Variants in RPH3A observed in about 807,000 individuals in gnomAD.
RPH3A encodes the protein rabphilin 3A.
A neutral mutation model predicts 102.2 loss-of-function variants in RPH3A; 48 were observed. That is an observed-to-expected ratio of 0.47 (90% CI 0.37 to 0.60). RPH3A has a LOEUF of 0.60. RPH3A is among the 20% of genes least tolerant of loss of function. RPH3A has a pLI of 0.00. For synonymous variants in RPH3A, 310 were observed against 324.3 expected (o/e 0.96, Z 0.47); for missense variants, 781 against 910.1 (o/e 0.86, Z 1.83).
chr12:112,833,629 G>T (rs2042003991), intron 3 of RPH3A, among the ~76,000 whole-genome samples: 1 of 86,630 alleles, frequency 1.2e-5, no homozygotes, highest in Non-Finnish European at 2.7e-5. Flanking sequence ...GATTCAGTTT[G>T]CTGGATTCCC....
At chr12:112,668,482 TA>T (rs2040102878) in intron 1 of RPH3A, among the ~76,000 whole-genome samples, 1 of 152,178 alleles carries the variant, frequency 6.6e-6, no homozygotes, top group African/African-American at 2.4e-5. Flanking sequence ...CATGCAGCCT[TA>T]AAAAAATGAG....
At chr12:112,584,689 C>T (rs1213721103) in intron 1 of RPH3A, among the ~76,000 whole-genome samples, 1 of 152,186 alleles carries the variant, frequency 6.6e-6, no homozygotes, top group African/African-American at 2.4e-5. Context: ...AAGGATGGAG[C>T]TTTAAATTAC....
chr12:112,649,502 C>G (rs949321739), intron 1 of RPH3A: 15 of 152,198 alleles, frequency 9.9e-5, no homozygotes, highest in African/African-American at 3.6e-4. Flanking sequence ...GTTTCCCCAT[C>G]TGTATTAAAG....
intron 1 of RPH3A, among the ~76,000 whole-genome samples, chr12:112,620,861 G>A (rs1316814591): frequency 6.6e-6 from 1 of 151,958 alleles, no homozygotes; most frequent in Non-Finnish European, 1.5e-5. Flanking sequence ...AATCCTGTCT[G>A]CTCCACATTT....
rs1213917665 is a variant in RPH3A, at chr12:112,776,882, A to C, written c.-139-15261A>C. 5.2e-3 allele frequency among the ~76,000 whole-genome samples: 38 copies of C among 7,324 alleles called. 7 individuals are homozygous for C. The highest frequency in any genetic ancestry group is 7.3e-3 in the African/African-American group (8 of 1,094). 4.8% of individuals were successfully genotyped at this position (7,324 alleles called of 152,430 possible). On this transcript the variant is annotated intron_variant, in intron 1 of 21. Transcript: ENST00000543106. ...GAGTGAGACTCCATCTCAAAAAAAA[A>C]AAAAAAAAAAAAAAAAAAAAAAAAA... is the stretch of plus-strand genomic sequence containing the variant.
chr12:112,841,191 A>AAAAT, intron 4 of RPH3A, among the ~76,000 whole-genome samples: 1 of 150,198 alleles, frequency 6.7e-6, no homozygotes, highest in Non-Finnish European at 1.5e-5. Context: ...AAAAAAAAAA[A>AAAAT]AAAGCCTCGT....
chr12:112,637,844 C>T (rs2039859055), intron 1 of RPH3A, among the ~76,000 whole-genome samples: 1 of 151,870 alleles, frequency 6.6e-6, no homozygotes, highest in Non-Finnish European at 1.5e-5. Flanking sequence ...AGCAGCCCCA[C>T]CTGGTTCTTT....
intron 1 of RPH3A, among the ~76,000 whole-genome samples, chr12:112,585,967 G>GTGTGGAC (rs1396013647): frequency 2.6e-5 from 4 of 152,182 alleles, no homozygotes; most frequent in Non-Finnish European, 5.9e-5. Flanking sequence ...GGAGGTGGAG[G>GTGTGGAC]TGTGGACTGG....
intron 1 of RPH3A, among the ~76,000 whole-genome samples, chr12:112,713,023 C>CTTTTCTTCT: frequency 1.9e-5 from 1 of 52,816 alleles, no homozygotes; most frequent in East Asian, 7.3e-4. Flanking sequence ...CTTCCTCTTC[C>CTTTTCTTCT]TCTTCTTCTT....
intron 1 of RPH3A, among the ~76,000 whole-genome samples, chr12:112,762,353 A>G (rs1022562494): frequency 6.6e-6 from 1 of 152,192 alleles, no homozygotes; most frequent in African/African-American, 2.4e-5. Flanking sequence ...TTTAAGGCTC[A>G]GGGATCTTTA....
At chr12:112,724,163 C>G (rs1055769803) in intron 1 of RPH3A, among the ~76,000 whole-genome samples, 10 of 149,678 alleles carry the variant, frequency 6.7e-5, no homozygotes, top group Non-Finnish European at 3.0e-5. Flanking sequence ...CTCAAGTGAT[C>G]CTCCTGCCTC....
chr12:112,828,212 C>A, intron 2 of RPH3A, 89 bp from the exon 3 acceptor site: 1 of 860,960 alleles, frequency 1.2e-6, no homozygotes, highest in Non-Finnish European at 1.9e-6. Context: ...TTCTCTATCC[C>A]ACTGGGTGTG....
chr12:112,774,357 G>A (rs943635845), intron 1 of RPH3A, among the ~76,000 whole-genome samples: 1 of 152,168 alleles, frequency 6.6e-6, no homozygotes, highest in Non-Finnish European at 1.5e-5. Context: ...CTGATTAAAT[G>A]TAACTAAAAT....
intron 2 of RPH3A, among the ~76,000 whole-genome samples, chr12:112,806,806 A>G (rs745873134): frequency 1.3e-5 from 2 of 152,160 alleles, no homozygotes; most frequent in Non-Finnish European, 2.9e-5. Context: ...GAGCAGGTAG[A>G]AAATTATTCA....
At chr12:112,816,006 G>T (rs879456905) in intron 2 of RPH3A, among the ~76,000 whole-genome samples, 4 of 152,158 alleles carry the variant, frequency 2.6e-5, no homozygotes, top group Non-Finnish European at 4.4e-5. Flanking sequence ...TAGACACAGG[G>T]CTCACAGAGA....
rs906494844 is a variant in RPH3A, at chr12:112,703,458, A to C, written c.-139-88685A>C. Among the ~76,000 whole-genome samples, 3 of 152,332 alleles carry C rather than the reference A, an allele frequency of 2.0e-5. No individual in the cohort carries two copies. In the East Asian group the frequency reaches 5.8e-4, roughly 29 times the overall value. On this transcript the variant is annotated intron_variant, in intron 1 of 21. Coordinates refer to the RPH3A transcript ENST00000543106. Reference sequence around the variant, plus strand: ...AAAGTCCATTCTAGTATAGAACTGCAGTACTGAAGCCATCCTCATGAAGTT... The same window carrying C: ...AAAGTCCATTCTAGTATAGAACTGCCGTACTGAAGCCATCCTCATGAAGTT...
chr12:112,875,276 C>G, intron 11 of RPH3A, 106 bp downstream of exon 11: 1 of 836,110 alleles, frequency 1.2e-6, no homozygotes, highest in Non-Finnish European at 1.8e-6. Flanking sequence ...TGCAAAGCTG[C>G]AGCCACAACT....
intron 1 of RPH3A, among the ~76,000 whole-genome samples, chr12:112,662,668 CTGAG>C (rs1324400356): frequency 1.3e-5 from 2 of 151,808 alleles, no homozygotes; most frequent in Non-Finnish European, 2.9e-5. Context: ...CTGCTGAACT[CTGAG>C]TGAGTTCAGT....
intron 3 of RPH3A, 68 bp downstream of exon 3, chr12:112,828,457 G>A: frequency 8.4e-7 from 1 of 1,192,636 alleles, no homozygotes; most frequent in South Asian, 1.4e-5. Flanking sequence ...TTCTACACTT[G>A]AAAAAAAGAA....
Sources: gnomAD v4.1 joint callset for allele counts (sites outside exome capture counted in the v4.1 genomes callset) on GRCh38, gnomAD v4.1.1 for gene constraint, MANE v1.5 for transcripts, NCBI Gene and HGNC (gene_info 2026-07-23, HGNC 2026-07-21) for gene names.